BCL7B: variants seen among roughly 807,000 people sequenced by gnomAD.
BCL7B encodes BAF chromatin remodeling complex subunit BCL7B, also known as B-cell CLL/lymphoma 7 protein family member B.
Under a neutral mutation model 26.5 loss-of-function variants are expected in BCL7B, and 11 were observed. The ratio of observed to expected loss-of-function variants is 0.42; its 90% CI spans 0.26 to 0.69. The LOEUF is 0.69. Among genes scored for constraint, BCL7B ranks in the 30% least tolerant of loss-of-function variants. The pLI is 0.28. For missense variants in BCL7B, 215 were observed against 264.4 expected, an observed-to-expected ratio of 0.81 and a Z score of 1.30; for synonymous variants, 111 against 107.9, an observed-to-expected ratio of 1.03 and a Z score of -0.18.
chr7:73,542,138 A>T (rs1791791940), intron 3 of BCL7B, among the ~76,000 whole-genome samples: 2 of 152,236 alleles, frequency 1.3e-5, no homozygotes, highest in African/African-American at 4.8e-5. Context: ...CTCTGTGGAC[A>T]GGCTCTGTGG....
chr7:73,543,777 C>T, intron 2 of BCL7B, 133 bp from the exon 3 acceptor site: 4 of 639,524 alleles, frequency 6.3e-6, no homozygotes, highest in Non-Finnish European at 1.1e-5. Context: ...GCGTGAGAAT[C>T]CAAGGACCCA....
chr7:73,537,609 C>A (rs548520022), intron 5 of BCL7B, among the ~76,000 whole-genome samples: 4 of 152,106 alleles, frequency 2.6e-5, no homozygotes, highest in African/African-American at 9.7e-5. Context: ...GAAGCCTGGC[C>A]GGGCACAGTG....
At chr7:73,546,146 A>G (rs1361884147) in intron 2 of BCL7B, among the ~76,000 whole-genome samples, 27 of 151,352 alleles carry the variant, frequency 1.8e-4, no homozygotes, top group Admixed American at 2.6e-4. Context: ...AAAAAAAAAA[A>G]AAAGAAAGAA....
At chr7:73,537,474 C>A in intron 5 of BCL7B, 84 bp from the exon 6 acceptor site, 1 of 985,462 alleles carries the variant, frequency 1.0e-6, no homozygotes, top group Non-Finnish European at 1.6e-6. Flanking sequence ...ATGGGATGTC[C>A]ACTCTGCTCC....
intron 3 of BCL7B, chr7:73,542,775 A>C (rs1480020763): frequency 3.1e-6 from 1 of 323,830 alleles, no homozygotes; most frequent in African/African-American, 2.2e-5. Context: ...GCCTACTCTA[A>C]GCGACTATGA....
intron 5 of BCL7B, among the ~76,000 whole-genome samples, chr7:73,537,705 T>C (rs1791594231): frequency 6.6e-6 from 1 of 151,860 alleles, no homozygotes; most frequent in African/African-American, 2.4e-5. Context: ...CTGGCCAACA[T>C]AGTGAAACCC....
rs554840939 is a variant in BCL7B at position 73,557,320 on chromosome 7, C to T, written c.92+167G>A. Reference sequence around the variant, plus strand: ...AGGACCGCTGATTGGCCGCGGCCGGCGCGCCCTCTGACCTCACGCCGACGC... The same window carrying T: ...AGGACCGCTGATTGGCCGCGGCCGGTGCGCCCTCTGACCTCACGCCGACGC... On this transcript the variant is annotated intron_variant, in intron 1 of 5. Transcript: ENST00000223368. 2.0e-5 allele frequency: 23 copies of T among 1,169,838 alleles called. No homozygotes were observed. The South Asian group carries it at 9.6e-4, about 49-fold the overall frequency. The allele number at this position is 1,169,838 out of a possible 1,614,324, so 72.5% of individuals were successfully genotyped here.
chr7:73,537,241 C>T lies in BCL7B; in HGVS notation c.*57G>A, dbSNP rs1554582229. 1.0e-5 allele frequency: 16 copies of T among 1,573,228 alleles called. No individual in the cohort carries two copies. In the East Asian group the frequency reaches 3.6e-4, roughly 35 times the overall value. ...CCTTACCCCAGCAACGCGGCGCGGC[C>T]AGAACCAGAATGCAATAAATAGAGG... On this transcript the variant is annotated 3_prime_UTR_variant, in exon 6 of 6. Coordinates refer to ENST00000223368, the MANE Select transcript of BCL7B (RefSeq NM_001707.4).
intron 2 of BCL7B, among the ~76,000 whole-genome samples, chr7:73,546,131 C>CA (rs1327019672): frequency 0.026 from 1,899 of 73,548 alleles, 37 homozygotes; most frequent in Admixed American, 0.085. Context: ...GACTCCATCT[C>CA]AAAAAAAAAA....
chr7:73,540,080 A>C (rs1207072222), intron 3 of BCL7B, 28 bp from the exon 4 acceptor site: 1 of 1,604,014 alleles, frequency 6.2e-7, no homozygotes, highest in African/African-American at 1.3e-5. Context: ...CAAAGGCAGC[A>C]GCTGAGCGTG....
rs80056196 is a variant in BCL7B at position 73,537,111 on chromosome 7, G to A, written c.*187C>T. ...GCGCTCCTCTTCTCGGGAGCAAGTA[G>A]ACACAGGTGCCAGGGTCAGGAAGAT... On this transcript the variant is annotated 3_prime_UTR_variant, in exon 6 of 6. Coordinates refer to ENST00000223368, the MANE Select transcript of BCL7B (RefSeq NM_001707.4). The A allele has an allele frequency of 2.4e-4, 125 of 524,810 alleles. No homozygotes were observed. The highest frequency in any genetic ancestry group is 2.2e-3 in the African/African-American group (117 of 53,042). The allele number at this position is 524,810 out of a possible 1,614,324, so 32.5% of individuals were successfully genotyped here.
In BCL7B at chr7:73,550,847, C is replaced by T. The variant is rs543215694; in HGVS notation, c.168+1320G>A. Among the ~76,000 whole-genome samples, 7 of 151,794 alleles carry T rather than the reference C, an allele frequency of 4.6e-5. 1 individual carries two copies. The highest frequency in any genetic ancestry group is 1.7e-4 in the African/African-American group (7 of 41,436). On this transcript the variant is annotated intron_variant, in intron 2 of 5. Coordinates refer to ENST00000223368, the MANE Select transcript of BCL7B (RefSeq NM_001707.4). ...TAATTTTTTGTACTTTTAGTAGAGA[C>T]GGGGTTTCACCATGTTAGCCAGGAT...
Position 73,543,557 on chromosome 7 carries a change from CAAG to C in BCL7B, c.253_255del (p.Leu85del), listed in dbSNP as rs782251685. On this transcript the variant is annotated inframe_deletion, in exon 3 of 6. Transcript: ENST00000223368. Reference sequence around the variant, plus strand: ...CAGAGATGCAACTCACCCTGGAATTCAAGAAGGAGAGAGGAATTGGCTGAGGCA... The same window carrying C: ...CAGAGATGCAACTCACCCTGGAATTCAAGGAGAGAGGAATTGGCTGAGGCA... 48 of 1,613,420 alleles carry C rather than the reference CAAG, an allele frequency of 3.0e-5. No individual in the cohort carries two copies. The highest frequency in any genetic ancestry group is 5.3e-5 in the African/African-American group (4 of 74,936).
intron 2 of BCL7B, among the ~76,000 whole-genome samples, chr7:73,550,427 C>G (rs1201166983): frequency 2.0e-5 from 3 of 151,726 alleles, no homozygotes; most frequent in African/African-American, 7.3e-5. Flanking sequence ...CGCCTGTAAT[C>G]CCAGCTGCTC....
chr7:73,539,569 G>C, intron 4 of BCL7B: 1 of 295,102 alleles, frequency 3.4e-6, no homozygotes, highest in South Asian at 5.7e-5. Context: ...ACCTTTCTAA[G>C]CTTTGAATGT....
Position 73,545,191 on chromosome 7 carries a change from C to T in BCL7B, c.169-1547G>A, listed in dbSNP as rs183171793. 9.2e-5 allele frequency among the ~76,000 whole-genome samples: 14 copies of T among 152,188 alleles called. No homozygotes were observed. The East Asian group carries it at 1.4e-3, about 15-fold the overall frequency. On this transcript the variant is annotated intron_variant, in intron 2 of 5. Transcript: ENST00000223368. ...TCCGGTAGATGCATTATATTAGTAA[C>T]GTAATTTTTGTTAATAACTCAATTT... is the stretch of plus-strand genomic sequence containing the variant.
At chr7:73,549,833 A>G (rs1554583905) in intron 2 of BCL7B, among the ~76,000 whole-genome samples, 1 of 152,124 alleles carries the variant, frequency 6.6e-6, no homozygotes, top group East Asian at 1.9e-4. Context: ...TTGTCTCTGG[A>G]AAAAAAATCT....
chr7:73,539,595 G>A (rs1583985552), intron 4 of BCL7B: 1 of 361,940 alleles, frequency 2.8e-6, no homozygotes, highest in East Asian at 4.6e-5. Context: ...TTCCTCATCT[G>A]TAAAAGAAGA....
At position 73,557,419 on chromosome 7, in the gene BCL7B, G is replaced by A. The variant is rs149281784; in HGVS notation, c.92+68C>T. On this transcript the variant is annotated intron_variant, in intron 1 of 5. Transcript: ENST00000223368. ...CGGCCGGTCGGCTCCCACCTGACCCGCCAGTCCCACGCTCCTCAGGGCCTG... is the reference window on the plus strand; with the variant it reads ...CGGCCGGTCGGCTCCCACCTGACCCACCAGTCCCACGCTCCTCAGGGCCTG... The A allele has an allele frequency of 5.9e-3, 5,975 of 1,007,280 alleles. 19 individuals are homozygous for A. The highest frequency in any genetic ancestry group is 6.4e-3 in the Middle Eastern group (14 of 2,200). The allele number at this position is 1,007,280 out of a possible 1,614,324, so 62.4% of individuals were successfully genotyped here.
Sources: allele counts gnomAD v4.1 joint callset (sites outside exome capture counted in the v4.1 genomes callset), GRCh38; gene constraint gnomAD v4.1.1; transcripts MANE v1.5; gene names NCBI Gene and HGNC (gene_info 2026-07-23, HGNC 2026-07-21).